The following ATXN10 variants were observed in gnomAD, a reference collection of about 807,000 sequenced individuals.
The protein encoded by ATXN10 is ataxin 10.
A neutral mutation model predicts 52.9 loss-of-function variants in ATXN10; 28 were observed. The ratio of observed to expected loss-of-function variants is 0.53; its 90% CI spans 0.39 to 0.73. The LOEUF is 0.73. ATXN10 is among the 30% of genes least tolerant of loss of function. The probability of loss-of-function intolerance (pLI) is 0.00; values close to 1 mark genes in which losing one functional copy is unlikely to be tolerated. For missense variants in ATXN10, 565 were observed against 577.0 expected, an observed-to-expected ratio of 0.98 and a Z score of 0.21; for synonymous variants, 226 against 221.5, an observed-to-expected ratio of 1.02 and a Z score of -0.18.
intron 9 of ATXN10, among the ~76,000 whole-genome samples, chr22:45,761,941 G>A (rs1408792897): frequency 6.6e-6 from 1 of 152,204 alleles, no homozygotes; most frequent in African/African-American, 2.4e-5. Context: ...TGACTGGGAT[G>A]AAGTAGTTGT....
intron 9 of ATXN10, among the ~76,000 whole-genome samples, chr22:45,753,653 C>T (rs1177926951): frequency 2.0e-5 from 3 of 151,780 alleles, no homozygotes; most frequent in East Asian, 1.9e-4. Context: ...GCAATCCACC[C>T]GCCCCAGCCT....
chr22:45,686,936 C>T (rs781192287), intron 1 of ATXN10, among the ~76,000 whole-genome samples: 7 of 151,958 alleles, frequency 4.6e-5, no homozygotes, highest in South Asian at 4.2e-4. Flanking sequence ...TTGGCGAAAT[C>T]GGGGGTTTTC....
intron 10 of ATXN10, among the ~76,000 whole-genome samples, chr22:45,830,994 A>G (rs750405193): frequency 6.6e-6 from 1 of 152,192 alleles, no homozygotes; most frequent in Non-Finnish European, 1.5e-5. Context: ...GGATAAACAA[A>G]ATGTGGCCTC....
At position 45,818,359 on chromosome 22, in the gene ATXN10, G is replaced by C. The variant is rs990681396; in HGVS notation, c.1237+11337G>C. The stretch of plus-strand genomic sequence containing the variant: ...CAGGCCTCTGTGTTCCTGCAGGCCA[G>C]TGCCTTGCGTTTGTCCTGCCAAGCC... On this transcript the variant is annotated intron_variant, in intron 10 of 11. Coordinates refer to ENST00000252934, the MANE Select transcript of ATXN10 (RefSeq NM_013236.4). This position sits in a 1 kb window ranked among gnomAD's most constrained non-coding sequence, Gnocchi z 4.6. Among the ~76,000 whole-genome samples the C allele has an allele frequency of 6.6e-6, 1 of 152,200 alleles. No homozygotes were observed. The highest frequency in any genetic ancestry group is 2.4e-5 in the African/African-American group (1 of 41,450).
In ATXN10 at chr22:45,833,509, C is replaced by T. The variant is rs532194366; in HGVS notation, c.1238-9482C>T. ...CTATTTTTGATCCTTGGCTGTACTT[C>T]ATTAATTTTGAAATATCAACAGTGC... is the stretch of plus-strand genomic sequence containing the variant. On this transcript the variant is annotated intron_variant, in intron 10 of 11. Coordinates refer to ENST00000252934, the MANE Select transcript of ATXN10 (RefSeq NM_013236.4). This position sits in a 1 kb window ranked among gnomAD's most constrained non-coding sequence, Gnocchi z 4.3. Among the ~76,000 whole-genome samples the T allele has an allele frequency of 5.3e-5, 8 of 152,292 alleles. No homozygotes were observed. The highest frequency in any genetic ancestry group is 8.8e-5 in the Non-Finnish European group (6 of 68,032).
rs543196535 is a variant in ATXN10 at position 45,723,237 on chromosome 22, A to G, written c.728+4744A>G. On this transcript the variant is annotated intron_variant, in intron 6 of 11. Coordinates refer to ENST00000252934, the MANE Select transcript of ATXN10 (RefSeq NM_013236.4). Reference sequence around the variant, plus strand: ...AGATAGGTATATCTATATTTTATATAGACATAAAATTTCAGTAGCTTTTGG... The same window carrying G: ...AGATAGGTATATCTATATTTTATATGGACATAAAATTTCAGTAGCTTTTGG... Among the ~76,000 whole-genome samples, 73 of 152,144 alleles carry G rather than the reference A, an allele frequency of 4.8e-4. 1 individual carries two copies. The highest frequency in any genetic ancestry group is 9.3e-4 in the Non-Finnish European group (63 of 67,936).
chr22:45,731,028 T>C (rs529581625), intron 7 of ATXN10, among the ~76,000 whole-genome samples: 1 of 152,374 alleles, frequency 6.6e-6, no homozygotes, highest in Non-Finnish European at 1.5e-5. Flanking sequence ...TCAGGTCTTG[T>C]TTTATCAGGG....
intron 10 of ATXN10, among the ~76,000 whole-genome samples, chr22:45,827,842 G>A (rs1928865754): frequency 6.6e-6 from 1 of 152,172 alleles, no homozygotes; most frequent in South Asian, 2.1e-4. Flanking sequence ...CAAGTGCACA[G>A]AAGACATTTT....
rs1929216370 is a variant in ATXN10, at chr22:45,837,780, G to C, written c.1238-5211G>C. Among the ~76,000 whole-genome samples, 1 of 152,196 alleles carries C rather than the reference G, an allele frequency of 6.6e-6. No homozygotes were observed. Among genetic ancestry groups the C allele is most frequent in the African/African-American group, 2.4e-5 (1 of 41,432 alleles). The stretch of plus-strand genomic sequence containing the variant: ...TGTGTGCCGTAGAACCTTGTTTACG[G>C]ATACGGACATTTGAATTTCAAATTT... On this transcript the variant is annotated intron_variant, in intron 10 of 11. Coordinates refer to ENST00000252934, the MANE Select transcript of ATXN10 (RefSeq NM_013236.4). The surrounding 1 kb of genome is among the most constrained non-coding windows in gnomAD (Gnocchi z 5.8).
rs1230066932 is a variant in ATXN10, at chr22:45,775,804, A to G, written c.1174-31155A>G. Among the ~76,000 whole-genome samples, 1 of 152,210 alleles carries G rather than the reference A, an allele frequency of 6.6e-6. No individual in the cohort carries two copies. The highest frequency in any genetic ancestry group is 1.9e-4 in the East Asian group (1 of 5,202). On this transcript the variant is annotated intron_variant, in intron 9 of 11. Transcript: ENST00000252934. The surrounding 1 kb of genome is among the most constrained non-coding windows in gnomAD (Gnocchi z 4.7). ...CGATTTATTTAGCACGGTAGCACCA[A>G]TAATAAATATTCTACAGCCTCTAAC...
rs565270562 is a variant in ATXN10 at position 45,835,278 on chromosome 22, G to A, written c.1238-7713G>A. Among the ~76,000 whole-genome samples, 26 of 152,294 alleles carry A rather than the reference G, an allele frequency of 1.7e-4. No homozygotes were observed. The highest frequency in any genetic ancestry group is 4.3e-4 in the African/African-American group (18 of 41,550). On this transcript the variant is annotated intron_variant, in intron 10 of 11. Coordinates refer to ENST00000252934, the MANE Select transcript of ATXN10 (RefSeq NM_013236.4). The surrounding 1 kb of genome is among the most constrained non-coding windows in gnomAD (Gnocchi z 5.0). ...GGGTCCTGCTTTGCCTGGCGCGGGC[G>A]CTTGAGCTTTCACATCTGGGACTGG...
chr22:45,700,420 T>C (rs1923797088), intron 4 of ATXN10, 42 bp downstream of exon 4: 1 of 1,485,050 alleles, frequency 6.7e-7, no homozygotes, highest in African/African-American at 1.4e-5. Flanking sequence ...GTGAGAAGAT[T>C]GTGGCTATAT....
chr22:45,761,554 TGTAATACA>T (rs1926391564), intron 9 of ATXN10, among the ~76,000 whole-genome samples: 2 of 152,270 alleles, frequency 1.3e-5, no homozygotes, highest in Admixed American at 1.3e-4. Flanking sequence ...CTGGTTAAAT[TGTAATACA>T]GTATCATAGG....
Position 45,750,098 on chromosome 22 carries a change from A to T in ATXN10, c.1173+9560A>T, listed in dbSNP as rs1925891561. On this transcript the variant is annotated intron_variant, in intron 9 of 11. Coordinates refer to ENST00000252934, the MANE Select transcript of ATXN10 (RefSeq NM_013236.4). The surrounding 1 kb of genome is among the most constrained non-coding windows in gnomAD (Gnocchi z 4.2). Reference sequence around the variant, plus strand: ...TCAATTTTTAGATAACAGACGTTTTAATTTAATTTAATTTTATTTTTGAGA... The same window carrying T: ...TCAATTTTTAGATAACAGACGTTTTTATTTAATTTAATTTTATTTTTGAGA... 6.6e-6 allele frequency among the ~76,000 whole-genome samples: 1 copy of T among 151,592 alleles called. No individual in the cohort carries two copies. The highest frequency in any genetic ancestry group is 2.1e-4 in the South Asian group (1 of 4,792).
chr22:45,770,397 G>A lies in ATXN10; in HGVS notation c.1173+29859G>A, dbSNP rs993496958. On this transcript the variant is annotated intron_variant, in intron 9 of 11. Transcript: ENST00000252934. The surrounding 1 kb of genome is among the most constrained non-coding windows in gnomAD (Gnocchi z 4.5). ...TTGGGACAGGTGATGTGAAAAAGAG[G>A]GGGGTATGTGATGAATATACACACT... is the stretch of plus-strand genomic sequence containing the variant. Among the ~76,000 whole-genome samples the A allele has an allele frequency of 6.6e-5, 10 of 152,304 alleles. No individual in the cohort carries two copies. Among genetic ancestry groups the A allele is most frequent in the African/African-American group, 2.4e-4 (10 of 41,560 alleles).
intron 5 of ATXN10, among the ~76,000 whole-genome samples, chr22:45,716,175 A>G (rs1331892529): frequency 1.3e-5 from 2 of 152,134 alleles, no homozygotes; most frequent in Non-Finnish European, 2.9e-5. Context: ...TGAGGTGGGA[A>G]AATTATTCGA....
Position 45,784,350 on chromosome 22 carries a change from G to A in ATXN10, c.1174-22609G>A, listed in dbSNP as rs1403758636. Among the ~76,000 whole-genome samples, 2 of 152,182 alleles carry A rather than the reference G, an allele frequency of 1.3e-5. No homozygotes were observed. Among genetic ancestry groups the A allele is most frequent in the Non-Finnish European group, 2.9e-5 (2 of 68,046 alleles). On this transcript the variant is annotated intron_variant, in intron 9 of 11. Coordinates refer to ENST00000252934, the MANE Select transcript of ATXN10 (RefSeq NM_013236.4). This position sits in a 1 kb window ranked among gnomAD's most constrained non-coding sequence, Gnocchi z 4.2. ...AGGAATACCAAATATTTGCATGGAAGAGATTTGTAATATAGTAGGATACTT... is the reference window on the plus strand; with the variant it reads ...AGGAATACCAAATATTTGCATGGAAAAGATTTGTAATATAGTAGGATACTT...
In ATXN10 at chr22:45,752,973, A is replaced by G. The variant is rs1926037333; in HGVS notation, c.1173+12435A>G. ...GGTCTTGAACTCCCGACCTCAGGTA[A>G]TCTGCCCACCTCGGCCTCCCAAAGT... On this transcript the variant is annotated intron_variant, in intron 9 of 11. Transcript: ENST00000252934. Among the ~76,000 whole-genome samples, 7 of 152,194 alleles carry G rather than the reference A, an allele frequency of 4.6e-5. No individual in the cohort carries two copies. The South Asian group carries it at 1.5e-3, about 32-fold the overall frequency.
chr22:45,737,952 C>G (rs1925364923), intron 7 of ATXN10, among the ~76,000 whole-genome samples: 1 of 152,050 alleles, frequency 6.6e-6, no homozygotes, highest in African/African-American at 2.4e-5. Context: ...ATCTTCTGGC[C>G]TCGGCCTCCC....
Sources: allele counts gnomAD v4.1 joint callset (sites outside exome capture counted in the v4.1 genomes callset), GRCh38; gene constraint gnomAD v4.1.1; non-coding constraint Gnocchi (gnomAD v3.1); transcripts MANE v1.5; gene names NCBI Gene and HGNC (gene_info 2026-07-23, HGNC 2026-07-21).